The following LRCH3 variants were observed in gnomAD, a reference collection of about 807,000 sequenced individuals.
The protein encoded by LRCH3 is DISP complex protein LRCH3.
A neutral mutation model predicts 104.5 loss-of-function variants in LRCH3; 68 were observed. The ratio of observed to expected loss-of-function variants is 0.65; its 90% CI spans 0.54 to 0.80. The LOEUF (loss-of-function observed/expected upper bound fraction) is 0.80, where lower values mean the gene tolerates loss of function less well. Among genes scored for constraint, LRCH3 ranks in the 30% least tolerant of loss-of-function variants. LRCH3 has a pLI of 0.00. For synonymous variants in LRCH3, 344 were observed against 361.3 expected, an observed-to-expected ratio of 0.95 and a Z score of 0.54; for missense variants, 951 against 953.9, an observed-to-expected ratio of 1.00 and a Z score of 0.04.
chr3:197,841,839 T>C (rs1737842911), intron 10 of LRCH3, among the ~76,000 whole-genome samples: 1 of 139,176 alleles, frequency 7.2e-6, no homozygotes, highest in Non-Finnish European at 1.6e-5. Context: ...TTGTTTTGTT[T>C]TGTTTTGTTT....
intron 4 of LRCH3, chr3:197,822,994 C>CT (rs756061050): frequency 0.08 from 10,865 of 136,024 alleles, 1,054 homozygotes; most frequent in African/African-American, 0.23. Context: ...ATTTTTACTT[C>CT]TTTTTTTTTT....
At chr3:197,882,217 C>T (rs951453331) in intron 20 of LRCH3, 8 of 985,250 alleles carry the variant, frequency 8.1e-6, no homozygotes, top group South Asian at 9.4e-5. Context: ...GGTCCTAGGG[C>T]GCTGCTGAGA....
intron 1 of LRCH3, among the ~76,000 whole-genome samples, chr3:197,811,428 A>C (rs979070760): frequency 6.6e-6 from 1 of 152,096 alleles, no homozygotes; most frequent in Non-Finnish European, 1.5e-5. Context: ...ATTATTTGTC[A>C]TCATCCCTGG....
intron 3 of LRCH3, among the ~76,000 whole-genome samples, chr3:197,819,215 GCT>G (rs1217368240): frequency 2.0e-5 from 3 of 151,752 alleles, no homozygotes; most frequent in Non-Finnish European, 4.4e-5. Context: ...TTGTTGGTTC[GCT>G]CTTTTTTTCC....
chr3:197,793,829 C>T (rs1730896379), intron 1 of LRCH3, among the ~76,000 whole-genome samples: 1 of 152,126 alleles, frequency 6.6e-6, no homozygotes, highest in African/African-American at 2.4e-5. Flanking sequence ...AGACTAGATT[C>T]ATTTCTAACA....
chr3:197,858,363 G>C (rs1740515355), intron 14 of LRCH3, among the ~76,000 whole-genome samples: 1 of 152,144 alleles, frequency 6.6e-6, no homozygotes, highest in African/African-American at 2.4e-5. Flanking sequence ...AGGCAGAGAT[G>C]AAATGCCGGT....
intron 9 of LRCH3, among the ~76,000 whole-genome samples, chr3:197,836,953 C>G (rs960782195): frequency 2.6e-5 from 4 of 152,136 alleles, no homozygotes; most frequent in African/African-American, 9.7e-5. Context: ...GCTGGGATTA[C>G]AGGTGTGAGC....
At chr3:197,834,040 A>T (rs909668386) in intron 8 of LRCH3, among the ~76,000 whole-genome samples, 1 of 152,242 alleles carries the variant, frequency 6.6e-6, no homozygotes, top group Non-Finnish European at 1.5e-5. Flanking sequence ...TTATTTGTCA[A>T]TAATTGAGTC....
intron 15 of LRCH3, among the ~76,000 whole-genome samples, chr3:197,861,689 TGCTTA>T (rs1740902177): frequency 1.3e-5 from 2 of 152,212 alleles, no homozygotes; most frequent in African/African-American, 4.8e-5. Flanking sequence ...TTTCTTTTAT[TGCTTA>T]GCTAGGCTTA....
intron 19 of LRCH3, among the ~76,000 whole-genome samples, chr3:197,874,024 GAAA>G (rs34903890): frequency 2.7e-5 from 3 of 112,296 alleles, no homozygotes; most frequent in Non-Finnish European, 3.6e-5. Context: ...TGTCTCAAAA[GAAA>G]AAAAAAAAAA....
At chr3:197,845,213 A>G (rs1255804341) in intron 10 of LRCH3, among the ~76,000 whole-genome samples, 1 of 152,068 alleles carries the variant, frequency 6.6e-6, no homozygotes, top group African/African-American at 2.4e-5. Context: ...GTTCAAGACC[A>G]GCCTGGGCAA....
chr3:197,842,775 A>T (rs1737995381), intron 10 of LRCH3, among the ~76,000 whole-genome samples: 1 of 152,054 alleles, frequency 6.6e-6, no homozygotes, highest in African/African-American at 2.4e-5. Flanking sequence ...ATTATGTTTT[A>T]AAAAAATTGT....
intron 20 of LRCH3, among the ~76,000 whole-genome samples, chr3:197,879,920 A>C (rs1437979654): frequency 6.6e-6 from 1 of 151,404 alleles, no homozygotes; most frequent in Non-Finnish European, 1.5e-5. Context: ...ACACGACCCT[A>C]AACCAACATC....
intron 10 of LRCH3, among the ~76,000 whole-genome samples, chr3:197,841,628 T>C (rs528462678): frequency 2.4e-4 from 37 of 152,332 alleles, no homozygotes; most frequent in African/African-American, 8.9e-4. Context: ...TACCGCATCT[T>C]AGTCCAGAGT....
rs771840676 is a variant in LRCH3, at chr3:197,791,336, G to C, written c.58G>C (p.Ala20Pro). 16 of 1,608,786 alleles carry C rather than the reference G, an allele frequency of 9.9e-6. No individual in the cohort carries two copies. Among genetic ancestry groups the C allele is most frequent in the Non-Finnish European group, 1.4e-5 (16 of 1,178,650 alleles). Residue 20 changes from alanine (A) to proline (P), a missense_variant, in exon 1 of 21, where the codon GCG becomes CCG. By Grantham distance (27) the Ala-to-Pro change is conservative (BLOSUM62 -1). Transcript: ENST00000425562. The part of the protein sequence containing the change: ...AAAAEYSGTV[A>P]SGGNLPGVHC... Reference sequence around the variant, plus strand: ...GGCTGCCGAGTACTCTGGCACGGTAGCGTCGGGAGGTAACCTCCCTGGTGT... The same window carrying C: ...GGCTGCCGAGTACTCTGGCACGGTACCGTCGGGAGGTAACCTCCCTGGTGT...
chr3:197,867,373 G>A (rs1281248587), intron 17 of LRCH3, among the ~76,000 whole-genome samples: 1 of 151,570 alleles, frequency 6.6e-6, no homozygotes, highest in Non-Finnish European at 1.5e-5. Flanking sequence ...CTGAGATTGC[G>A]CCACTGCACT....
chr3:197,797,535 T>G (rs762911415), intron 1 of LRCH3, among the ~76,000 whole-genome samples: 4 of 151,776 alleles, frequency 2.6e-5, no homozygotes, highest in Non-Finnish European at 5.9e-5. Context: ...GAAAAAAGAT[T>G]CAGTAACTAG....
intron 15 of LRCH3, among the ~76,000 whole-genome samples, chr3:197,860,319 C>T (rs887723888): frequency 6.6e-6 from 1 of 152,192 alleles, no homozygotes; most frequent in Non-Finnish European, 1.5e-5. Flanking sequence ...ATGACAGTTA[C>T]TTTCCACGTG....
At chr3:197,848,862 T>A (rs1016700562) in intron 12 of LRCH3, among the ~76,000 whole-genome samples, 10 of 152,242 alleles carry the variant, frequency 6.6e-5, no homozygotes, top group Non-Finnish European at 1.5e-4. Context: ...CCTGATAAAC[T>A]CTTTTTTTCT....
Sources: allele counts gnomAD v4.1 joint callset (sites outside exome capture counted in the v4.1 genomes callset), GRCh38; gene constraint gnomAD v4.1.1; transcripts MANE v1.5; gene names NCBI Gene and HGNC (gene_info 2026-07-23, HGNC 2026-07-21).